The following LRRC9 variants were observed in gnomAD, a reference collection of about 807,000 sequenced individuals.
The protein encoded by LRRC9 is leucine rich repeat containing 9.
In LRRC9, 122 loss-of-function variants were observed where a neutral mutation model predicts 63.2. That is an observed-to-expected ratio of 1.93 (90% CI 1.67 to 2.24). LRRC9 has a LOEUF of 2.24. Among genes scored for constraint, LRRC9 ranks in the 30% most tolerant of loss-of-function variants. LRRC9 has a pLI of 0.00. For missense variants in LRRC9, 1,071 were observed against 627.7 expected, an observed-to-expected ratio of 1.71 and a Z score of -7.55; for synonymous variants, 366 against 213.1, an observed-to-expected ratio of 1.72 and a Z score of -6.25.
intron 22 of LRRC9, 85 bp from the exon 23 acceptor site, chr14:60,008,007 C>T: frequency 2.2e-6 from 1 of 462,080 alleles, no homozygotes; most frequent in Non-Finnish European, 3.8e-6. Flanking sequence ...TAGATAATTC[C>T]AATATTAAAA....
chr14:60,000,510 T>C (rs2040555310), intron 19 of LRRC9, among the ~76,000 whole-genome samples: 1 of 152,130 alleles, frequency 6.6e-6, no homozygotes, highest in South Asian at 2.1e-4. Flanking sequence ...CAATGTGGTA[T>C]TGGCACAGAG....
At chr14:59,973,969 A>G (rs219323) in intron 12 of LRRC9, among the ~76,000 whole-genome samples, 113,247 of 152,002 alleles carry the variant, frequency 0.75, 44,372 homozygotes, top group Non-Finnish European at 0.87. Context: ...TGGACAGATC[A>G]TATAATCTCT....
chr14:60,007,620 AT>A (rs1289626649), intron 22 of LRRC9, among the ~76,000 whole-genome samples: 2 of 152,212 alleles, frequency 1.3e-5, no homozygotes, highest in African/African-American at 4.8e-5. Flanking sequence ...AACAAAGTAT[AT>A]TTGTCTTAAA....
chr14:59,985,099 C>A lies in LRRC9; in HGVS notation c.2092-6C>A. On this transcript the variant is annotated splice_polypyrimidine_tract_variant and splice_region_variant and intron_variant, in intron 16 of 31. Transcript: ENST00000445360. Reference sequence around the variant, plus strand: ...ATTTTTTAATGTATATTTTATTTTGCTTCAGAGTCTGAATCTACATGGAAA... The same window carrying A: ...ATTTTTTAATGTATATTTTATTTTGATTCAGAGTCTGAATCTACATGGAAA... 1.5e-6 allele frequency: 1 copy of A among 656,700 alleles called. No homozygotes were observed. The highest frequency in any genetic ancestry group is 2.8e-6 in the Non-Finnish European group (1 of 360,788). The allele number at this position is 656,700 out of a possible 1,614,324, so 40.7% of individuals were successfully genotyped here.
chr14:59,975,961 C>T (rs1356983524), intron 13 of LRRC9, among the ~76,000 whole-genome samples: 1 of 152,174 alleles, frequency 6.6e-6, no homozygotes, highest in Non-Finnish European at 1.5e-5. Context: ...TATTTGCAGC[C>T]ACTCCCCATC....
Position 59,928,256 on chromosome 14 carries a change from C to A in LRRC9, c.49-12C>A. On this transcript the variant is annotated splice_polypyrimidine_tract_variant and intron_variant, in intron 2 of 31. Transcript: ENST00000445360. ...AAATAGGTAATGACCAAATTTCTTT[C>A]CTTTAAAACAGTGTTTGTGCAATGG... 3.5e-6 allele frequency: 2 copies of A among 569,610 alleles called. No individual in the cohort carries two copies. The highest frequency in any genetic ancestry group is 2.5e-5 in the South Asian group (1 of 39,828). The allele number at this position is 569,610 out of a possible 1,614,324, so 35.3% of individuals were successfully genotyped here.
intron 27 of LRRC9, among the ~76,000 whole-genome samples, chr14:60,024,626 G>C (rs578117004): frequency 2.2e-4 from 34 of 152,070 alleles, no homozygotes; most frequent in African/African-American, 7.2e-4. Context: ...AGAACCTGGA[G>C]ACCTGGCCTT....
At chr14:59,980,794 A>G (rs1425833001) in intron 15 of LRRC9, among the ~76,000 whole-genome samples, 1 of 152,240 alleles carries the variant, frequency 6.6e-6, no homozygotes, top group Non-Finnish European at 1.5e-5. Flanking sequence ...ACCCAGACAA[A>G]CAGTAAACAG....
At chr14:60,046,185 G>A (rs949492886) in intron 29 of LRRC9, among the ~76,000 whole-genome samples, 7 of 152,120 alleles carry the variant, frequency 4.6e-5, no homozygotes, top group African/African-American at 1.7e-4. Flanking sequence ...TTGGTCAGAT[G>A]GATAGATTGC....
rs1048778425 is a variant in LRRC9, at chr14:59,958,435, C to A, written c.883-1383C>A. Among the ~76,000 whole-genome samples the A allele has an allele frequency of 6.6e-6, 1 of 152,216 alleles. No homozygotes were observed. The highest frequency in any genetic ancestry group is 1.5e-5 in the Non-Finnish European group (1 of 68,042). ...ACTCCTTAGCACTGTCAGGGAAAAACCACCTACTAAAGCCTCAGTAATGGT... is the reference window on the plus strand; with the variant it reads ...ACTCCTTAGCACTGTCAGGGAAAAAACACCTACTAAAGCCTCAGTAATGGT... On this transcript the variant is annotated intron_variant, in intron 8 of 31. Coordinates refer to ENST00000445360, the Ensembl canonical transcript of LRRC9. The surrounding 1 kb of genome is among the most constrained non-coding windows in gnomAD (Gnocchi z 4.0).
chr14:59,963,174 T>C (rs949983680), intron 10 of LRRC9, among the ~76,000 whole-genome samples: 2 of 152,182 alleles, frequency 1.3e-5, no homozygotes, highest in Admixed American at 1.3e-4. Context: ...ACTGAAAGAT[T>C]TTCTGTTAAA....
At chr14:60,006,030 G>T (rs945191636) in intron 21 of LRRC9, among the ~76,000 whole-genome samples, 2 of 152,006 alleles carry the variant, frequency 1.3e-5, no homozygotes, top group Admixed American at 1.3e-4. Context: ...ATGAGGGCTG[G>T]TGATTATTTT....
At chr14:59,935,153 C>T (rs1210990075) in intron 6 of LRRC9, among the ~76,000 whole-genome samples, 4 of 148,360 alleles carry the variant, frequency 2.7e-5, no homozygotes, top group African/African-American at 9.9e-5. Flanking sequence ...AATAGCCAGG[C>T]GTGGTGGTGG....
chr14:60,005,816 C>G (rs1889761469), intron 21 of LRRC9, among the ~76,000 whole-genome samples: 2 of 152,068 alleles, frequency 1.3e-5, no homozygotes, highest in African/African-American at 2.4e-5. Flanking sequence ...TTCCGAAGTT[C>G]TTGTCTTTCA....
In LRRC9 at chr14:60,027,028, C is replaced by T. The variant is rs1891611934; in HGVS notation, c.3704-856C>T. 6.6e-6 allele frequency among the ~76,000 whole-genome samples: 1 copy of T among 151,920 alleles called. No homozygotes were observed. Among genetic ancestry groups the T allele is most frequent in the South Asian group, 2.1e-4 (1 of 4,830 alleles). On this transcript the variant is annotated intron_variant, in intron 27 of 31. Transcript: ENST00000445360. This position sits in a 1 kb window ranked among gnomAD's most constrained non-coding sequence, Gnocchi z 4.0. ...TTCACATATGAATTGGAGGGGGACA[C>T]AATTCAGCACATAATAATCAAGGAG...
downstream of LRRC9, among the ~76,000 whole-genome samples, chr14:60,064,822 AAT>A (rs771827135): frequency 3.3e-5 from 5 of 152,286 alleles, no homozygotes; most frequent in East Asian, 3.9e-4. Flanking sequence ...TTAAATGCTG[AAT>A]ATATGTTACT....
At chr14:59,967,306 A>G (rs1167881211) in intron 12 of LRRC9, 93 bp downstream of exon 12, 1 of 475,310 alleles carries the variant, frequency 2.1e-6, no homozygotes, top group Non-Finnish European at 3.8e-6. Context: ...TTTTATCCAT[A>G]TTTATAGTAA....
intron 27 of LRRC9, among the ~76,000 whole-genome samples, chr14:60,023,138 A>T (rs911394264): frequency 2.6e-5 from 4 of 152,048 alleles, no homozygotes; most frequent in Non-Finnish European, 5.9e-5. Context: ...AATAAAAAAA[A>T]CAGTGGATAA....
rs57938700 is a variant in LRRC9 at position 59,921,717 on chromosome 14, A to ATTTTTT, written c.-34+1850_-34+1855dup. Reference sequence around the variant, plus strand: ...GGAGCTTTTTCATGTGGGCAGTTGGATTTTTTTTTTTTTTTTTTTTTGCAC... The same window carrying ATTTTTT: ...GGAGCTTTTTCATGTGGGCAGTTGGATTTTTTTTTTTTTTTTTTTTTTTTTTTGCAC... On this transcript the variant is annotated intron_variant, in intron 1 of 31. Coordinates refer to ENST00000445360, the Ensembl canonical transcript of LRRC9. Among the ~76,000 whole-genome samples, 6 of 121,160 alleles carry ATTTTTT rather than the reference A, an allele frequency of 5.0e-5. No homozygotes were observed. The East Asian group carries it at 9.6e-4, about 19-fold the overall frequency. The allele number at this position is 121,160 out of a possible 152,430, so 79.5% of individuals were successfully genotyped here.
Sources: gnomAD v4.1 joint callset for allele counts (sites outside exome capture counted in the v4.1 genomes callset) on GRCh38, gnomAD v4.1.1 for gene constraint, Gnocchi (gnomAD v3.1) non-coding constraint, MANE v1.5 for transcripts, NCBI Gene and HGNC (gene_info 2026-07-23, HGNC 2026-07-21) for gene names.